Variants in GMPS observed in about 807,000 individuals in gnomAD.
The protein encoded by GMPS is guanosine monophosphate synthase.
Under a neutral mutation model 77.9 loss-of-function variants are expected in GMPS, and 15 were observed. That is an observed-to-expected ratio of 0.19 (90% CI 0.13 to 0.30). The LOEUF (loss-of-function observed/expected upper bound fraction) is 0.30, where lower values mean the gene tolerates loss of function less well. Among genes scored for constraint, GMPS ranks in the 10% least tolerant of loss-of-function variants. The pLI is 1.00. For synonymous variants in GMPS, 224 were observed against 275.9 expected, an observed-to-expected ratio of 0.81 and a Z score of 1.86; for missense variants, 590 against 838.8, an observed-to-expected ratio of 0.70 and a Z score of 3.66.
At chr3:155,925,612 G>A (rs888933595) in intron 12 of GMPS, among the ~76,000 whole-genome samples, 3 of 152,058 alleles carry the variant, frequency 2.0e-5, no homozygotes, top group African/African-American at 7.2e-5. Flanking sequence ...GAATGTTTAG[G>A]GAGTGAATAG....
rs778138437 is a variant in GMPS at position 155,922,242 on chromosome 3, C to A, written c.1374C>A (p.Asp458Glu). Residue 458 changes from aspartate (D) to glutamate (E), a missense_variant, in exon 11 of 16, where the codon GAC becomes GAA. By Grantham distance (45) the Asp-to-Glu change is conservative (BLOSUM62 2). This residue lies in a region of GMPS where 64 missense variants were observed against 114.5 expected (regional missense o/e 0.56). Coordinates refer to ENST00000496455, the MANE Select transcript of GMPS (RefSeq NM_003875.3). The stretch of plus-strand genomic sequence containing the variant: ...CTGAAGAACCTTATATTTGTAAGGA[C>A]TTTCCTGAAACCAACAATATTTTGA... ...ICAEEPYICK[D>E]FPETNNILKI... 4.5e-6 allele frequency: 7 copies of A among 1,569,702 alleles called. No homozygotes were observed. In the Admixed American group the frequency reaches 1.3e-4, roughly 30 times the overall value.
intron 1 of GMPS, among the ~76,000 whole-genome samples, chr3:155,877,428 C>A (rs559338985): frequency 5.3e-5 from 8 of 152,158 alleles, no homozygotes; most frequent in Non-Finnish European, 1.2e-4. Context: ...CCCCATAGTT[C>A]TTAGTGTATT....
intron 1 of GMPS, among the ~76,000 whole-genome samples, chr3:155,875,601 T>C (rs1395672476): frequency 1.3e-5 from 2 of 152,222 alleles, no homozygotes; most frequent in Non-Finnish European, 2.9e-5. Flanking sequence ...TGAATGAAAG[T>C]GTCAGGGTTA....
intron 2 of GMPS, among the ~76,000 whole-genome samples, chr3:155,895,796 T>C (rs1279878416): frequency 6.6e-6 from 1 of 152,214 alleles, no homozygotes; most frequent in African/African-American, 2.4e-5. Context: ...TAAGTACTAC[T>C]TGAGTTTTAT....
chr3:155,898,143 G>C, intron 3 of GMPS, 102 bp downstream of exon 3: 1 of 731,920 alleles, frequency 1.4e-6, no homozygotes, highest in South Asian at 1.5e-5. Context: ...AGGATACTTA[G>C]TTGGATGAGA....
chr3:155,912,370 A>AG lies in GMPS; in HGVS notation c.886+1097dup, dbSNP rs563870045. On this transcript the variant is annotated intron_variant, in intron 7 of 15. Coordinates refer to ENST00000496455, the MANE Select transcript of GMPS (RefSeq NM_003875.3). ...AAGGTGGATTTTCTCTGTTTAAGCT[A>AG]GGGGGGTCTCTCCCAACATCCTGGG... is the stretch of plus-strand genomic sequence containing the variant. Among the ~76,000 whole-genome samples, 133 of 152,342 alleles carry AG rather than the reference A, an allele frequency of 8.7e-4. 1 individual carries two copies. Among genetic ancestry groups the AG allele is most frequent in the Non-Finnish European group, 1.1e-3 (74 of 68,018 alleles).
At chr3:155,927,305 A>G (rs923061718) in intron 12 of GMPS, among the ~76,000 whole-genome samples, 5 of 152,192 alleles carry the variant, frequency 3.3e-5, no homozygotes, top group African/African-American at 1.2e-4. Flanking sequence ...AGAATTGTGG[A>G]CAGGTTATTT....
At chr3:155,890,525 A>G (rs1754439890) in intron 1 of GMPS, among the ~76,000 whole-genome samples, 2 of 152,224 alleles carry the variant, frequency 1.3e-5, no homozygotes, top group African/African-American at 4.8e-5. Context: ...AATACTAGGA[A>G]CATTGAGAAT....
chr3:155,889,989 G>T (rs752407822), intron 1 of GMPS, among the ~76,000 whole-genome samples: 1 of 152,106 alleles, frequency 6.6e-6, no homozygotes, highest in Non-Finnish European at 1.5e-5. Context: ...CATTAGGATG[G>T]TTTTTCTAAT....
chr3:155,918,297 A>G (rs1216690230), intron 9 of GMPS, among the ~76,000 whole-genome samples: 1 of 152,068 alleles, frequency 6.6e-6, no homozygotes, highest in Non-Finnish European at 1.5e-5. Context: ...TAAAAATACA[A>G]AAAAATTAGC....
chr3:155,934,219 T>G (rs1245993286), intron 13 of GMPS, among the ~76,000 whole-genome samples: 2 of 152,346 alleles, frequency 1.3e-5, no homozygotes, highest in South Asian at 4.1e-4. Flanking sequence ...TAAATTTTAA[T>G]TGTGTATTTG....
intron 1 of GMPS, among the ~76,000 whole-genome samples, chr3:155,885,569 C>T (rs185449033): frequency 6.6e-5 from 10 of 152,222 alleles, no homozygotes; most frequent in Admixed American, 2.0e-4. Context: ...TTTCTAAAGG[C>T]ATTTTATACA....
At chr3:155,894,246 C>T (rs922421739) in intron 2 of GMPS, among the ~76,000 whole-genome samples, 2 of 151,636 alleles carry the variant, frequency 1.3e-5, no homozygotes, top group Admixed American at 6.6e-5. Context: ...TTTTTTGAGG[C>T]GGAGTCTCAC....
At chr3:155,916,970 A>C (rs1466247856) in intron 9 of GMPS, among the ~76,000 whole-genome samples, 1 of 149,686 alleles carries the variant, frequency 6.7e-6, no homozygotes, top group Non-Finnish European at 1.5e-5. Flanking sequence ...TTACCATCTT[A>C]ACTCTGATTT....
rs963585854 is a variant in GMPS at position 155,941,468 on chromosome 3, GTGTTAAT to G, written c.*3780_*3786del. The G allele has an allele frequency of 1.9e-4, 39 of 203,232 alleles. No individual in the cohort carries two copies. The highest frequency in any genetic ancestry group is 3.0e-4 in the Admixed American group (5 of 16,658). The allele number at this position is 203,232 out of a possible 1,614,324, so 12.6% of individuals were successfully genotyped here. On this transcript the variant is annotated 3_prime_UTR_variant, in exon 16 of 16. Transcript: ENST00000496455. ...CATCAGGGATAAATGGGCTTCAAAA[GTGTTAAT>G]TGTCTCCTTACTTACAGTGAGTTTC...
intron 9 of GMPS, among the ~76,000 whole-genome samples, chr3:155,916,710 A>G (rs1444038675): frequency 6.6e-6 from 1 of 152,168 alleles, no homozygotes; most frequent in Non-Finnish European, 1.5e-5. Flanking sequence ...GGCTGTTATA[A>G]GTAATGCCGC....
chr3:155,929,643 G>C (rs1755551066), intron 12 of GMPS, among the ~76,000 whole-genome samples: 1 of 142,156 alleles, frequency 7.0e-6, no homozygotes, highest in South Asian at 2.6e-4. Context: ...ATCTCCTTAA[G>C]CTGATAAGCA....
chr3:155,922,053 G>A (rs1008117909), intron 10 of GMPS, 134 bp from the exon 11 acceptor site: 1 of 485,504 alleles, frequency 2.1e-6, no homozygotes. Context: ...GCTACATTTG[G>A]ATACTTATGA....
At chr3:155,877,971 G>A (rs539788616) in intron 1 of GMPS, among the ~76,000 whole-genome samples, 1 of 151,936 alleles carries the variant, frequency 6.6e-6, no homozygotes, top group Non-Finnish European at 1.5e-5. Context: ...ACGGGGTTTT[G>A]CTATGTTGAC....
Sources: gnomAD v4.1 joint callset for allele counts (sites outside exome capture counted in the v4.1 genomes callset) on GRCh38, gnomAD v4.1.1 for gene constraint, gnomAD v4.1.1 regional missense constraint, MANE v1.5 for transcripts, NCBI Gene and HGNC (gene_info 2026-07-23, HGNC 2026-07-21) for gene names.